Variants in LIFR observed in about 807,000 individuals in gnomAD.
LIFR encodes leukemia inhibitory factor receptor.
A neutral mutation model predicts 122.2 loss-of-function variants in LIFR; 84 were observed. The observed-to-expected ratio is 0.69, with a 90% CI of 0.58 to 0.82. The LOEUF (loss-of-function observed/expected upper bound fraction) is 0.82. Among genes scored for constraint, LIFR ranks in the 40% least tolerant of loss-of-function variants. LIFR has a pLI of 0.00. For missense variants in LIFR, 1,294 were observed against 1,311.6 expected, an observed-to-expected ratio of 0.99 and a Z score of 0.21; for synonymous variants, 422 against 434.7, an observed-to-expected ratio of 0.97 and a Z score of 0.36.
chr5:38,559,062 A>G (rs1414055550), upstream of LIFR: 1 of 152,272 alleles, frequency 6.6e-6, no homozygotes, highest in African/African-American at 2.4e-5. Context: ...GACCAGGTGA[A>G]TGTATCGCCA....
chr5:38,481,864 T>C lies in LIFR; in HGVS notation c.3025A>G (p.Ile1009Val). 1.9e-6 allele frequency: 3 copies of C among 1,614,212 alleles called. No individual in the cohort carries two copies. Among genetic ancestry groups the C allele is most frequent in the African/African-American group, 1.3e-5 (1 of 75,060 alleles). Reference sequence around the variant, plus strand: ...GCTATATCTTCCACAGTAGAATTAATGGGGAGGTGCATCTGTGGCTTATAG... The same window carrying C: ...GCTATATCTTCCACAGTAGAATTAACGGGGAGGTGCATCTGTGGCTTATAG... ...AGYKPQMHLP[I>V]NSTVEDIAAE... Residue 1009 changes from isoleucine to valine, a missense_variant, in exon 20 of 20, where the codon ATT becomes GTT. Physicochemically the swap from Ile to Val is conservative, Grantham distance 29. Transcript: ENST00000453190.
intron 1 of LIFR, among the ~76,000 whole-genome samples, chr5:38,532,432 A>G (rs1346637758): frequency 6.6e-6 from 1 of 152,206 alleles, no homozygotes; most frequent in Non-Finnish European, 1.5e-5. Flanking sequence ...TCCCAAAGCG[A>G]AGCTGTAATA....
At chr5:38,510,206 A>C (rs1316715539) in intron 7 of LIFR, among the ~76,000 whole-genome samples, 3 of 152,226 alleles carry the variant, frequency 2.0e-5, no homozygotes, top group African/African-American at 7.2e-5. Context: ...TAAACTAAAC[A>C]TTAGAAGCTA....
intron 5 of LIFR, among the ~76,000 whole-genome samples, chr5:38,513,008 G>T (rs2112503202): frequency 6.6e-6 from 1 of 152,166 alleles, no homozygotes; most frequent in South Asian, 2.1e-4. Context: ...TATTAATTGT[G>T]AGAAATGAGC....
chr5:38,596,297 C>A (rs547334243), upstream of LIFR, among the ~76,000 whole-genome samples: 10 of 152,248 alleles, frequency 6.6e-5, no homozygotes, highest in Admixed American at 5.9e-4. Flanking sequence ...GAATCTGCAT[C>A]GTTAGGTATG....
chr5:38,484,706 A>C, intron 18 of LIFR, 69 bp downstream of exon 18: 1 of 1,017,084 alleles, frequency 9.8e-7, no homozygotes, highest in African/African-American at 1.6e-5. Flanking sequence ...TAATACATAA[A>C]CTAATCTTAC....
chr5:38,562,117 C>T (rs889624914), intron 1 of LIFR, among the ~76,000 whole-genome samples: 4 of 152,146 alleles, frequency 2.6e-5, no homozygotes, highest in African/African-American at 2.4e-5. Context: ...CTCTCTTTCC[C>T]GAGTGAACTC....
intron 1 of LIFR, among the ~76,000 whole-genome samples, chr5:38,564,102 G>A (rs1274451677): frequency 6.6e-6 from 1 of 152,052 alleles, no homozygotes; most frequent in African/African-American, 2.4e-5. Flanking sequence ...CTGCATTCCT[G>A]TTTCAGATTG....
At chr5:38,524,598 G>A (rs758391473) in intron 4 of LIFR, among the ~76,000 whole-genome samples, 4 of 152,220 alleles carry the variant, frequency 2.6e-5, no homozygotes, top group Non-Finnish European at 4.4e-5. Flanking sequence ...TCAGAAAGCA[G>A]CAAGAGGAGC....
rs947910934 is a variant in LIFR, at chr5:38,476,510, C to T, written c.*5085G>A. ...TAGTCTTAAGGGCAACACATAGGATCTATGTTGTTAGCTTTTTTTTTTTTA... is the reference window on the plus strand; with the variant it reads ...TAGTCTTAAGGGCAACACATAGGATTTATGTTGTTAGCTTTTTTTTTTTTA... On this transcript the variant is annotated 3_prime_UTR_variant, in exon 20 of 20. Coordinates refer to ENST00000453190, the MANE Select transcript of LIFR (RefSeq NM_001127671.2). The T allele has an allele frequency of 4.9e-6, 1 of 202,574 alleles. No homozygotes were observed. The highest frequency in any genetic ancestry group is 2.3e-5 in the African/African-American group (1 of 43,006). The allele number at this position is 202,574 out of a possible 1,614,324, so 12.5% of individuals were successfully genotyped here.
chr5:38,587,259 A>G (rs1041980666), intron 1 of LIFR, among the ~76,000 whole-genome samples: 4 of 152,168 alleles, frequency 2.6e-5, no homozygotes, highest in Non-Finnish European at 5.9e-5. Flanking sequence ...AAAGAGGGAA[A>G]CTGAGGAGCA....
intron 5 of LIFR, among the ~76,000 whole-genome samples, chr5:38,515,341 A>T (rs1351286031): frequency 6.6e-6 from 1 of 151,972 alleles, no homozygotes; most frequent in Non-Finnish European, 1.5e-5. Flanking sequence ...GCCCTCAGAG[A>T]TTTATTCGCA....
chr5:38,559,457 GCTCAATTTCAA>G (rs1580191806), upstream of LIFR, among the ~76,000 whole-genome samples: 2 of 152,172 alleles, frequency 1.3e-5, no homozygotes, highest in Admixed American at 1.3e-4. Flanking sequence ...AGGAATTTCA[GCTCAATTTCAA>G]GTCTCATGGA....
rs1217739127 is a variant in LIFR, at chr5:38,496,598, A to G, written c.1672-3T>C. The G allele has an allele frequency of 6.2e-7, 1 of 1,600,080 alleles. No individual in the cohort carries two copies. The highest frequency in any genetic ancestry group is 1.1e-5 in the South Asian group (1 of 90,766). ...TTAGCTTCATTAATGGGTAAAGGCT[A>G]TGAAAAACAGACAAATTGTTATAAA... On this transcript the variant is annotated splice_region_variant and splice_polypyrimidine_tract_variant and intron_variant, in intron 12 of 19. Coordinates refer to ENST00000453190, the MANE Select transcript of LIFR (RefSeq NM_001127671.2).
chr5:38,507,392 C>T (rs1168711885), intron 7 of LIFR, among the ~76,000 whole-genome samples: 3 of 151,636 alleles, frequency 2.0e-5, no homozygotes, highest in African/African-American at 4.8e-5. Flanking sequence ...GGTGAAACCC[C>T]GTCTCCACTA....
At chr5:38,595,879 G>T (rs934764415), upstream of LIFR, among the ~76,000 whole-genome samples, 1 of 151,186 alleles carries the variant, frequency 6.6e-6, no homozygotes, top group African/African-American at 2.4e-5. Flanking sequence ...ACTACAAGGC[G>T]CCCGCCACCG....
At chr5:38,601,462 T>A (rs1187519265) in intron 2 of LIFR, among the ~76,000 whole-genome samples, 1 of 152,212 alleles carries the variant, frequency 6.6e-6, no homozygotes, top group Non-Finnish European at 1.5e-5. Context: ...GAGAAAGAGA[T>A]GCCAGGTGCA....
chr5:38,528,698 A>C, intron 3 of LIFR, 28 bp downstream of exon 3: 1 of 1,324,886 alleles, frequency 7.5e-7, no homozygotes, highest in Non-Finnish European at 1.1e-6. Flanking sequence ...AACCTAGCTC[A>C]TTGTGAATTA....
At chr5:38,597,947 G>C (rs1175264286), upstream of LIFR, among the ~76,000 whole-genome samples, 1 of 152,068 alleles carries the variant, frequency 6.6e-6, no homozygotes. Flanking sequence ...AGCATTTCTG[G>C]GGTATTCAAG....
Sources: allele counts gnomAD v4.1 joint callset (sites outside exome capture counted in the v4.1 genomes callset), GRCh38; gene constraint gnomAD v4.1.1; transcripts MANE v1.5; gene names NCBI Gene and HGNC (gene_info 2026-07-23, HGNC 2026-07-21).